The following HIVEP1 variants were observed in gnomAD, a reference collection of about 807,000 sequenced individuals.
The protein encoded by HIVEP1 is HIVEP zinc finger 1.
Under a neutral mutation model 180.0 loss-of-function variants are expected in HIVEP1, and 36 were observed. That is an observed-to-expected ratio of 0.20 (90% CI 0.15 to 0.26). The LOEUF is 0.26. Among genes scored for constraint, HIVEP1 ranks in the 10% least tolerant of loss-of-function variants. HIVEP1 has a pLI of 1.00. For missense variants in HIVEP1, 3,143 were observed against 3,268.7 expected (o/e 0.96, Z 0.94); for synonymous variants, 1,239 against 1,239.0 (o/e 1.00, Z 0.00).
intron 3 of HIVEP1, among the ~76,000 whole-genome samples, chr6:12,099,878 T>C (rs1045148585): frequency 2.0e-5 from 3 of 152,210 alleles, no homozygotes; most frequent in South Asian, 2.1e-4. Context: ...TGAAGTAAGT[T>C]GTTTCTTTTG....
At chr6:12,187,236 A>G in the HIVEP1 span, among the ~76,000 whole-genome samples, 1 of 152,088 alleles carries the variant, frequency 6.6e-6, no homozygotes, top group African/African-American at 2.4e-5. Context: ...AATTACTGCT[A>G]TAGTTTGGAT....
intron 3 of HIVEP1, among the ~76,000 whole-genome samples, chr6:12,095,087 G>T (rs1773710335): frequency 6.6e-6 from 1 of 151,836 alleles, no homozygotes; most frequent in South Asian, 2.1e-4. Flanking sequence ...TTTCATTTCT[G>T]CTGGGTGTGT....
intron 2 of HIVEP1, among the ~76,000 whole-genome samples, chr6:12,066,866 CTG>C (rs10650946): frequency 2.2e-4 from 32 of 148,714 alleles, no homozygotes; most frequent in African/African-American, 6.2e-4. Flanking sequence ...AACAAAGACA[CTG>C]TGTGTGTGTG....
chr6:12,179,816 A>T, the HIVEP1 span, among the ~76,000 whole-genome samples: 1 of 152,196 alleles, frequency 6.6e-6, no homozygotes, highest in Non-Finnish European at 1.5e-5. Context: ...AACAGTAGTT[A>T]CTTATAAATA....
At chr6:12,206,813 A>G in the HIVEP1 span, among the ~76,000 whole-genome samples, 1 of 152,112 alleles carries the variant, frequency 6.6e-6, no homozygotes, top group Admixed American at 6.5e-5. Context: ...TTCCCTAGGG[A>G]AGGCAGCTGG....
intron 2 of HIVEP1, among the ~76,000 whole-genome samples, chr6:12,065,317 C>G (rs1487026841): frequency 6.6e-6 from 1 of 152,154 alleles, no homozygotes; most frequent in Non-Finnish European, 1.5e-5. Context: ...AGACATGAAA[C>G]AAGCAAGGTC....
At chr6:12,186,263 A>G in the HIVEP1 span, among the ~76,000 whole-genome samples, 4 of 150,566 alleles carry the variant, frequency 2.7e-5, no homozygotes, top group African/African-American at 9.7e-5. Flanking sequence ...ATACATATTA[A>G]TAATACATAT....
downstream of HIVEP1, among the ~76,000 whole-genome samples, chr6:12,167,885 TAG>T (rs1760770510): frequency 7.0e-6 from 1 of 143,856 alleles, no homozygotes; most frequent in African/African-American, 2.5e-5. Flanking sequence ...TGTACATGTA[TAG>T]ATGTGCGTAT....
chr6:12,059,825 C>T (rs1389327671), intron 2 of HIVEP1, among the ~76,000 whole-genome samples: 1 of 152,146 alleles, frequency 6.6e-6, no homozygotes, highest in Non-Finnish European at 1.5e-5. Context: ...GTCTCTGTGT[C>T]CCTAAACTGT....
rs1258576667 is a variant in HIVEP1, at chr6:12,150,992, C to G, written c.6488-10447C>G. 2.6e-5 allele frequency among the ~76,000 whole-genome samples: 4 copies of G among 152,196 alleles called. No individual in the cohort carries two copies. The East Asian group carries it at 7.7e-4, about 29-fold the overall frequency. ...CCCTTCTCTCAGGGAGCCCCTCCTG[C>G]TGCTTTTGCGACTCCGACTCTTCCA... On this transcript the variant is annotated intron_variant, in intron 7 of 8. Transcript: ENST00000379388.
rs759503769 is a variant in HIVEP1 at position 12,123,424 on chromosome 6, C to T, written c.3629C>T (p.Ser1210Phe). The T allele has an allele frequency of 1.9e-6, 3 of 1,614,040 alleles. No homozygotes were observed. The African/African-American group carries it at 4.0e-5, about 22-fold the overall frequency. The change falls in exon 4 of 9, where the codon TCC becomes TTC. Residue 1210 changes from serine (S) to phenylalanine (F), a missense_variant. Physicochemically the swap from Ser to Phe is radical, Grantham distance 155. Transcript: ENST00000379388. ...CTCAGAGGAGAACTTCAGGAAAGCT[C>T]CAGAAAGAGTCCAAGTGAACGACAT... ...DALRGELQES[S>F]RKSPSERHVL...
At chr6:12,191,619 G>A in the HIVEP1 span, among the ~76,000 whole-genome samples, 7 of 151,966 alleles carry the variant, frequency 4.6e-5, no homozygotes, top group Non-Finnish European at 2.9e-5. Context: ...AAATAAAAAT[G>A]AATACAATTT....
chr6:12,036,613 C>A (rs1769291591), intron 2 of HIVEP1, among the ~76,000 whole-genome samples: 1 of 152,186 alleles, frequency 6.6e-6, no homozygotes, highest in Admixed American at 6.5e-5. Context: ...TATGAAAGAG[C>A]AGCTTTCTGG....
intron 3 of HIVEP1, among the ~76,000 whole-genome samples, chr6:12,116,455 T>G (rs922156126): frequency 1.3e-5 from 2 of 152,018 alleles, no homozygotes; most frequent in Admixed American, 1.3e-4. Context: ...ACCTCTAAAA[T>G]GATAGTGCAG....
upstream of HIVEP1, chr6:12,012,222 G>A (rs1767379743): frequency 7.4e-6 from 1 of 134,600 alleles, no homozygotes; most frequent in South Asian, 2.3e-4. Flanking sequence ...CCGCCCGGCG[G>A]CTGCGGCCCC....
Position 12,163,452 on chromosome 6 carries a change from A to G in HIVEP1, c.7148A>G (p.His2383Arg). ...LPSPHTHLFS[H>R]LPLHSQQQSR... is the part of the protein sequence containing the mutation. ...TCTCCCCACACTCATTTGTTTAGCCACCTTCCTTTGCATTCCCAGCAGCAA... is the reference window on the plus strand; with the variant it reads ...TCTCCCCACACTCATTTGTTTAGCCGCCTTCCTTTGCATTCCCAGCAGCAA... The change falls in exon 9 of 9, where the codon CAC becomes CGC. Residue 2383 changes from histidine to arginine, a missense_variant. Physicochemically the swap from His to Arg is conservative, Grantham distance 29. Around this residue, in one of 12 missense-constraint regions of HIVEP1, gnomAD observed 595 missense variants for 602.2 expected, o/e 0.99. Transcript: ENST00000379388. 1 of 1,614,056 alleles carries G rather than the reference A, an allele frequency of 6.2e-7. No individual in the cohort carries two copies. The highest frequency in any genetic ancestry group is 8.5e-7 in the Non-Finnish European group (1 of 1,180,010).
intron 2 of HIVEP1, among the ~76,000 whole-genome samples, chr6:12,081,170 CT>C (rs552730630): frequency 1.4e-3 from 207 of 152,280 alleles, no homozygotes; most frequent in Middle Eastern, 3.4e-3. Context: ...CGTGGCATCC[CT>C]TCTCCACTTC....
chr6:12,209,136 C>A, the HIVEP1 span, among the ~76,000 whole-genome samples: 2 of 152,148 alleles, frequency 1.3e-5, no homozygotes, highest in Admixed American at 1.3e-4. Context: ...GCCACTTATT[C>A]AAAATTACAA....
At chr6:12,103,369 A>G (rs1774224526) in intron 3 of HIVEP1, among the ~76,000 whole-genome samples, 1 of 152,104 alleles carries the variant, frequency 6.6e-6, no homozygotes, top group Admixed American at 6.5e-5. Flanking sequence ...AACTTACCCA[A>G]GGTCACATAG....
Sources: allele counts gnomAD v4.1 joint callset (sites outside exome capture counted in the v4.1 genomes callset), GRCh38; gene constraint gnomAD v4.1.1; regional missense constraint gnomAD v4.1.1; transcripts MANE v1.5; gene names NCBI Gene and HGNC (gene_info 2026-07-23, HGNC 2026-07-21).